The following EPHA7 variants were observed in gnomAD, a reference collection of about 807,000 sequenced individuals.
EPHA7 encodes EPH receptor A7.
EPHA7 carries 25 observed loss-of-function variants against 112.6 expected under a neutral mutation model. The observed-to-expected ratio is 0.22, with a 90% CI of 0.16 to 0.31. EPHA7 has a LOEUF of 0.31. EPHA7 is among the 10% of genes least tolerant of loss of function. The pLI is 1.00. For synonymous variants in EPHA7, 437 were observed against 406.5 expected (o/e 1.07, Z -0.90); for missense variants, 962 against 1,212.6 (o/e 0.79, Z 3.07).
At chr6:93,355,592 AT>A (rs1775905988) in intron 5 of EPHA7, among the ~76,000 whole-genome samples, 1 of 152,204 alleles carries the variant, frequency 6.6e-6, no homozygotes, top group South Asian at 2.1e-4. Context: ...ACTTTGTTGC[AT>A]TTACTACATA....
intron 3 of EPHA7, among the ~76,000 whole-genome samples, chr6:93,385,388 C>G (rs1032352711): frequency 2.0e-5 from 3 of 152,044 alleles, no homozygotes; most frequent in Admixed American, 6.6e-5. Flanking sequence ...TAATAAAAAT[C>G]AAACGCTTTC....
At chr6:93,414,986 G>A (rs1029493136) in intron 1 of EPHA7, among the ~76,000 whole-genome samples, 2 of 151,964 alleles carry the variant, frequency 1.3e-5, no homozygotes, top group Non-Finnish European at 2.9e-5. Flanking sequence ...TATTTGGTAT[G>A]CTTTAATTAC....
chr6:93,353,619 C>T (rs1775801776), intron 5 of EPHA7, among the ~76,000 whole-genome samples: 1 of 152,098 alleles, frequency 6.6e-6, no homozygotes, highest in African/African-American at 2.4e-5. Context: ...GACTAATTGG[C>T]ATTCATTTTG....
chr6:93,241,149 G>C lies in EPHA7; in HGVS notation c.*2277C>G, dbSNP rs867292170. On this transcript the variant is annotated 3_prime_UTR_variant, in exon 17 of 17. Transcript: ENST00000369303. ...GCTAGAAAAAAGCAGGAAAGACACC[G>C]TTTGCATGTACCATACTATGTCTTC... 1 of 206,634 alleles carries C rather than the reference G, an allele frequency of 4.8e-6. No homozygotes were observed. The highest frequency in any genetic ancestry group is 1.9e-4 in the South Asian group (1 of 5,290). The allele number at this position is 206,634 out of a possible 1,614,324, so 12.8% of individuals were successfully genotyped here. A position where few individuals can be genotyped will look rare whatever the true frequency, so the allele number is the denominator to read the frequency against.
chr6:93,323,532 A>C (rs1774177926), intron 5 of EPHA7, among the ~76,000 whole-genome samples: 1 of 151,548 alleles, frequency 6.6e-6, no homozygotes, highest in African/African-American at 2.4e-5. Flanking sequence ...CTAAGTTTTA[A>C]CACACAAAGT....
chr6:93,284,288 G>A (rs1562067732), intron 5 of EPHA7, among the ~76,000 whole-genome samples: 1 of 151,364 alleles, frequency 6.6e-6, no homozygotes, highest in Non-Finnish European at 1.5e-5. Context: ...AGTTTTTGCA[G>A]AATTCTTCCT....
chr6:93,271,783 A>C (rs1468234503), intron 6 of EPHA7, among the ~76,000 whole-genome samples: 1 of 151,902 alleles, frequency 6.6e-6, no homozygotes, highest in East Asian at 1.9e-4. Flanking sequence ...AATAAATTTC[A>C]GGAGGAATTT....
chr6:93,408,688 G>C (rs1778832488), intron 3 of EPHA7, among the ~76,000 whole-genome samples: 1 of 152,202 alleles, frequency 6.6e-6, no homozygotes, highest in Non-Finnish European at 1.5e-5. Context: ...ATTGAGTGCA[G>C]AGCCATAGGT....
chr6:93,307,779 T>C (rs986151492), intron 5 of EPHA7, among the ~76,000 whole-genome samples: 16 of 152,216 alleles, frequency 1.1e-4, no homozygotes, highest in South Asian at 2.1e-4. Flanking sequence ...AAACATGTAC[T>C]GTCCTCTTCA....
chr6:93,348,212 G>C (rs1353999970), intron 5 of EPHA7, among the ~76,000 whole-genome samples: 1 of 151,750 alleles, frequency 6.6e-6, no homozygotes, highest in African/African-American at 2.4e-5. Context: ...TGAGAACACA[G>C]GTTACTTAGA....
chr6:93,248,980 A>T (rs1770085186), intron 14 of EPHA7, among the ~76,000 whole-genome samples: 1 of 152,318 alleles, frequency 6.6e-6, no homozygotes, highest in Admixed American at 6.5e-5. Flanking sequence ...TGGAGTGATT[A>T]TCTCATAGTT....
chr6:93,252,433 GA>G (rs3839560), intron 14 of EPHA7, among the ~76,000 whole-genome samples: 97,674 of 150,792 alleles, frequency 0.65, 32,642 homozygotes, highest in South Asian at 0.83. Flanking sequence ...AACCTTCCCA[GA>G]AAAAAAAATA....
intron 5 of EPHA7, among the ~76,000 whole-genome samples, chr6:93,348,774 A>C (rs921815556): frequency 2.0e-5 from 3 of 151,896 alleles, no homozygotes; most frequent in African/African-American, 7.2e-5. Flanking sequence ...TTTTCTTTGC[A>C]TATTACAGTA....
chr6:93,323,451 T>C (rs1316050158), intron 5 of EPHA7, among the ~76,000 whole-genome samples: 3 of 151,610 alleles, frequency 2.0e-5, no homozygotes, highest in African/African-American at 7.2e-5. Context: ...ATACCAAATA[T>C]ACAGAATATA....
chr6:93,368,002 C>T (rs912295338), intron 3 of EPHA7, among the ~76,000 whole-genome samples: 2 of 152,002 alleles, frequency 1.3e-5, no homozygotes, highest in African/African-American at 2.4e-5. Context: ...ATTCATTCCT[C>T]GACCAAATTA....
chr6:93,259,169 AC>A (rs1244996313), intron 10 of EPHA7, among the ~76,000 whole-genome samples, 184 bp downstream of exon 10: 1 of 152,050 alleles, frequency 6.6e-6, no homozygotes, highest in Non-Finnish European at 1.5e-5. Flanking sequence ...TCTTTGTGCC[AC>A]ATGCTAGTTT....
At chr6:93,284,323 T>TA (rs796693333) in intron 5 of EPHA7, among the ~76,000 whole-genome samples, 25 of 144,102 alleles carry the variant, frequency 1.7e-4, no homozygotes, top group Admixed American at 2.8e-4. Context: ...CTCATTTATT[T>TA]TTTTTTTTCA....
intron 3 of EPHA7, among the ~76,000 whole-genome samples, chr6:93,402,942 G>A (rs1458435684): frequency 6.6e-6 from 1 of 152,000 alleles, no homozygotes; most frequent in Admixed American, 6.6e-5. Context: ...CCTCAGAGAA[G>A]AAAAGGGAGA....
At chr6:93,413,787 T>C (rs1247759958) in intron 2 of EPHA7, among the ~76,000 whole-genome samples, 1 of 151,952 alleles carries the variant, frequency 6.6e-6, no homozygotes, top group Non-Finnish European at 1.5e-5. Context: ...CCTGACATGC[T>C]GATTTTATGA....
Sources: allele counts gnomAD v4.1 joint callset (sites outside exome capture counted in the v4.1 genomes callset), GRCh38; gene constraint gnomAD v4.1.1; transcripts MANE v1.5; gene names NCBI Gene and HGNC (gene_info 2026-07-23, HGNC 2026-07-21).